Variants in NRXN1 observed in about 807,000 individuals in gnomAD.
NRXN1 encodes the protein neurexin 1, also known as neurexin-1.
In NRXN1, 39 loss-of-function variants were observed where a neutral mutation model predicts 150.9. The ratio of observed to expected loss-of-function variants is 0.26; its 90% CI spans 0.20 to 0.34. The LOEUF (loss-of-function observed/expected upper bound fraction) is 0.34. Ranked by LOEUF, NRXN1 falls within the 10% of genes least tolerant of loss-of-function variation. The probability of loss-of-function intolerance (pLI) is 1.00; values close to 1 mark genes in which losing one functional copy is unlikely to be tolerated. For synonymous variants in NRXN1, 924 were observed against 757.0 expected (o/e 1.22, Z -3.62); for missense variants, 1,815 against 1,949.9 (o/e 0.93, Z 1.30).
At chr2:50,735,795 T>G (rs1229367135) in intron 5 of NRXN1, among the ~76,000 whole-genome samples, 8 of 152,112 alleles carry the variant, frequency 5.3e-5, no homozygotes, top group Admixed American at 4.6e-4. Context: ...CCTCAAGATA[T>G]CTCCACTGTT....
intron 17 of NRXN1, among the ~76,000 whole-genome samples, chr2:50,267,236 AC>A (rs1355183188): frequency 6.6e-6 from 1 of 152,190 alleles, no homozygotes; most frequent in Non-Finnish European, 1.5e-5. Context: ...CTTTGTGTCT[AC>A]CTTTGACCAA....
rs1174023611 is a variant in NRXN1, at chr2:51,026,285, C to G, written c.772+1217G>C. ...TGCCATTTATCCATGTGTTGATTGC[C>G]TTGCTTTGACCCATAAGCTATCTAC... is the stretch of plus-strand genomic sequence containing the variant. On this transcript the variant is annotated intron_variant, in intron 2 of 22. Coordinates refer to ENST00000401669, the MANE Select transcript of NRXN1 (RefSeq NM_001330078.2). The G allele has an allele frequency of 5.9e-6, 5 of 843,480 alleles. No homozygotes were observed. The Admixed American group carries it at 1.1e-4, about 18-fold the overall frequency. The allele number at this position is 843,480 out of a possible 1,614,324, so 52.2% of individuals were successfully genotyped here.
intron 5 of NRXN1, among the ~76,000 whole-genome samples, chr2:50,897,132 G>C (rs1559409582): frequency 6.6e-6 from 1 of 152,180 alleles, no homozygotes; most frequent in Middle Eastern, 3.2e-3. Context: ...AACTGCTTTG[G>C]TGTTAAGCAG....
chr2:50,619,594 C>T (rs1274308488), intron 8 of NRXN1: 3 of 267,210 alleles, frequency 1.1e-5, no homozygotes, highest in African/African-American at 6.6e-5. Context: ...TTTTGAATTA[C>T]ATAGTCGTTG....
chr2:49,946,443 T>C (rs989839362), intron 21 of NRXN1, among the ~76,000 whole-genome samples: 87 of 152,278 alleles, frequency 5.7e-4, no homozygotes, highest in African/African-American at 2.0e-3. Context: ...GTTTTAGTCA[T>C]CAAGTCTTTG....
Position 49,921,874 on chromosome 2 carries a change from A to ATAAG in NRXN1, c.*66_*69dup. On this transcript the variant is annotated 3_prime_UTR_variant, in exon 23 of 23. Coordinates refer to ENST00000401669, the MANE Select transcript of NRXN1 (RefSeq NM_001330078.2). The stretch of plus-strand genomic sequence containing the variant: ...ATGTGCTTCATAAAAAGGAAAGTAA[A>ATAAG]TAAGTTTATATTATGTCTCAGATAA... The ATAAG allele has an allele frequency of 6.7e-7, 1 of 1,485,906 alleles. No homozygotes were observed. Among genetic ancestry groups the ATAAG allele is most frequent in the East Asian group, 2.3e-5 (1 of 44,092 alleles). The allele number at this position is 1,485,906 out of a possible 1,614,324, so 92.0% of individuals were successfully genotyped here.
At chr2:50,652,417 G>A (rs1165354411) in intron 5 of NRXN1, among the ~76,000 whole-genome samples, 1 of 151,972 alleles carries the variant, frequency 6.6e-6, no homozygotes, top group African/African-American at 2.4e-5. Flanking sequence ...GCCAACCTAA[G>A]CAAACACTAA....
chr2:50,883,638 A>T (rs531474726), intron 5 of NRXN1, among the ~76,000 whole-genome samples: 13 of 151,938 alleles, frequency 8.6e-5, no homozygotes, highest in African/African-American at 2.9e-4. Flanking sequence ...ACACTATAGG[A>T]CTTACATAAA....
intron 22 of NRXN1, among the ~76,000 whole-genome samples, chr2:49,943,225 T>G (rs1401147693): frequency 6.6e-6 from 1 of 152,222 alleles, no homozygotes; most frequent in Non-Finnish European, 1.5e-5. Flanking sequence ...ACCTGCTGTT[T>G]GTTTTACTAC....
intron 18 of NRXN1, among the ~76,000 whole-genome samples, chr2:50,144,638 G>A (rs1355830803): frequency 6.6e-6 from 1 of 151,746 alleles, no homozygotes; most frequent in Non-Finnish European, 1.5e-5. Context: ...AATTATATAT[G>A]TATATATGTA....
chr2:50,183,360 T>C (rs2060860140), intron 18 of NRXN1, among the ~76,000 whole-genome samples: 2 of 152,118 alleles, frequency 1.3e-5, no homozygotes, highest in South Asian at 4.1e-4. Flanking sequence ...TGTAATAAAA[T>C]TCAGCAAAAC....
chr2:50,609,916 A>G (rs1677751062), intron 8 of NRXN1, among the ~76,000 whole-genome samples: 1 of 152,200 alleles, frequency 6.6e-6, no homozygotes. Context: ...TTCTGTGCAC[A>G]GAATATTTAC....
At chr2:50,771,925 T>C (rs1010165737) in intron 5 of NRXN1, among the ~76,000 whole-genome samples, 1 of 151,990 alleles carries the variant, frequency 6.6e-6, no homozygotes, top group African/African-American at 2.4e-5. Context: ...ACAAAACAGA[T>C]AAGTTAGTAT....
At chr2:50,493,768 A>G (rs562612308) in intron 15 of NRXN1, among the ~76,000 whole-genome samples, 22 of 152,336 alleles carry the variant, frequency 1.4e-4, no homozygotes, top group Admixed American at 5.2e-4. Context: ...CTTTTCTGCA[A>G]TGCAGAAGGT....
At chr2:50,265,634 C>T (rs1272149385) in intron 17 of NRXN1, among the ~76,000 whole-genome samples, 2 of 152,032 alleles carry the variant, frequency 1.3e-5, no homozygotes, top group African/African-American at 4.8e-5. Context: ...AATACAGAAA[C>T]CAAAAGCAAG....
At chr2:50,820,104 T>C (rs1346766398) in intron 5 of NRXN1, among the ~76,000 whole-genome samples, 1 of 151,950 alleles carries the variant, frequency 6.6e-6, no homozygotes, top group Non-Finnish European at 1.5e-5. Flanking sequence ...ATGATTGATA[T>C]TCTTTTAGCC....
intron 17 of NRXN1, among the ~76,000 whole-genome samples, chr2:50,331,852 C>T (rs2076853760): frequency 6.6e-6 from 1 of 152,122 alleles, no homozygotes; most frequent in Non-Finnish European, 1.5e-5. Context: ...GGCATAAGGT[C>T]TTGTTCCTCA....
chr2:50,834,952 C>G (rs1671908679), intron 5 of NRXN1, among the ~76,000 whole-genome samples: 1 of 152,146 alleles, frequency 6.6e-6, no homozygotes, highest in African/African-American at 2.4e-5. Context: ...TGTGTCATCC[C>G]TCTTTTCTCT....
At position 50,067,691 on chromosome 2, in the gene NRXN1, G is replaced by A. The variant is rs183707026; in HGVS notation, c.3719-12647C>T. Reference sequence around the variant, plus strand: ...TTTAACAGCTACAAAAACAGGCAGAGCCATTGATAGACATCACTAAATACT... The same window carrying A: ...TTTAACAGCTACAAAAACAGGCAGAACCATTGATAGACATCACTAAATACT... On this transcript the variant is annotated intron_variant, in intron 19 of 22. Coordinates refer to ENST00000401669, the MANE Select transcript of NRXN1 (RefSeq NM_001330078.2). Among the ~76,000 whole-genome samples the A allele has an allele frequency of 4.9e-4, 74 of 152,288 alleles. 1 individual carries two copies. Among genetic ancestry groups the A allele is most frequent in the African/African-American group, 1.5e-3 (61 of 41,550 alleles).
Sources: gnomAD v4.1 joint callset for allele counts (sites outside exome capture counted in the v4.1 genomes callset) on GRCh38, gnomAD v4.1.1 for gene constraint, MANE v1.5 for transcripts, NCBI Gene and HGNC (gene_info 2026-07-23, HGNC 2026-07-21) for gene names.